The following MRPS6 variants were observed in gnomAD, a reference collection of about 807,000 sequenced individuals.
The protein encoded by MRPS6 is mitochondrial ribosomal protein S6, also known as small ribosomal subunit protein bS6m.
In MRPS6, 6 loss-of-function variants were observed where a neutral mutation model predicts 13.1. That is an observed-to-expected ratio of 0.46 (90% CI 0.25 to 0.91). MRPS6 has a LOEUF of 0.91. MRPS6 is among the 40% of genes least tolerant of loss of function. The probability of loss-of-function intolerance (pLI) is 0.18; values close to 1 mark genes in which losing one functional copy is unlikely to be tolerated. For missense variants in MRPS6, 164 were observed against 155.6 expected (o/e 1.05, Z -0.29); for synonymous variants, 61 against 56.5 (o/e 1.08, Z -0.36).
intron 1 of MRPS6, among the ~76,000 whole-genome samples, chr21:34,089,665 C>T (rs535709325): frequency 2.0e-5 from 3 of 152,250 alleles, no homozygotes; most frequent in Admixed American, 2.0e-4. Flanking sequence ...CCTCCCCACT[C>T]CTGTCCCGGG....
At chr21:34,106,741 T>C (rs1302331572) in intron 1 of MRPS6, among the ~76,000 whole-genome samples, 1 of 152,244 alleles carries the variant, frequency 6.6e-6, no homozygotes, top group African/African-American at 2.4e-5. Context: ...TCACTCATAG[T>C]TATCAAACTG....
At chr21:34,086,921 C>T (rs1007768542) in intron 1 of MRPS6, among the ~76,000 whole-genome samples, 2 of 152,168 alleles carry the variant, frequency 1.3e-5, no homozygotes, top group Non-Finnish European at 2.9e-5. Flanking sequence ...CTGACCTGCT[C>T]TTTCAGCTGT....
At chr21:34,101,208 TA>T in intron 1 of MRPS6, 1 of 1,000,090 alleles carries the variant, frequency 1.0e-6, no homozygotes, top group South Asian at 4.7e-5. Flanking sequence ...AATATTAGCT[TA>T]AAATCTGCAT....
intron 1 of MRPS6, chr21:34,104,396 T>G: frequency 1.0e-6 from 1 of 1,000,200 alleles, no homozygotes; most frequent in Non-Finnish European, 1.2e-6. Context: ...GTAGCTTGTT[T>G]ATCAAGAATG....
At position 34,142,761 on chromosome 21, in the gene MRPS6, A is replaced by ACCACC; in HGVS notation, c.*161_*162insCCACC. On this transcript the variant is annotated 3_prime_UTR_variant, in exon 3 of 3. Transcript: ENST00000399312. ...TAGCCCTTGATCCCCTTTGCTTGCG[A>ACCACC]GAGGTGGGGAACTGCTCACTGACAG... is the stretch of plus-strand genomic sequence containing the variant. The ACCACC allele has an allele frequency of 1.3e-6, 1 of 767,954 alleles. No homozygotes were observed. Among genetic ancestry groups the ACCACC allele is most frequent in the South Asian group, 2.7e-5 (1 of 37,300 alleles). 47.6% of individuals were successfully genotyped at this position (767,954 alleles called of 1,614,324 possible).
At chr21:34,083,727 G>A (rs1051554368) in intron 1 of MRPS6, among the ~76,000 whole-genome samples, 2 of 152,210 alleles carry the variant, frequency 1.3e-5, no homozygotes, top group Non-Finnish European at 2.9e-5. Context: ...GACTTTGGTA[G>A]CACTGTTGGT....
chr21:34,098,813 T>C, intron 1 of MRPS6: 1 of 999,860 alleles, frequency 1.0e-6, no homozygotes, highest in African/African-American at 1.7e-5. Flanking sequence ...TACTTCTGTG[T>C]CTTCGTATGC....
chr21:34,111,639 T>C (rs993102362), intron 1 of MRPS6, among the ~76,000 whole-genome samples: 1 of 152,236 alleles, frequency 6.6e-6, no homozygotes, highest in Non-Finnish European at 1.5e-5. Context: ...TTTTCATATG[T>C]GGCCTCCATG....
At chr21:34,098,830 C>G (rs1467881427) in intron 1 of MRPS6, 1 of 999,878 alleles carries the variant, frequency 1.0e-6, no homozygotes, top group Non-Finnish European at 1.2e-6. Context: ...ATGCTCAACA[C>G]TGTCCTTTGT....
chr21:34,091,346 C>G (rs150454871), intron 1 of MRPS6, among the ~76,000 whole-genome samples: 2 of 152,212 alleles, frequency 1.3e-5, no homozygotes, highest in African/African-American at 4.8e-5. Context: ...GTTTTAGTGG[C>G]AGGTGGTTTT....
At chr21:34,124,413 A>G (rs893785884) in intron 1 of MRPS6, 5 of 152,024 alleles carry the variant, frequency 3.3e-5, no homozygotes, top group African/African-American at 1.2e-4. Context: ...ATATGCATAG[A>G]GAGATATCTG....
At chr21:34,122,460 A>G (rs1273276041) in intron 1 of MRPS6, 1 of 152,186 alleles carries the variant, frequency 6.6e-6, no homozygotes, top group Non-Finnish European at 1.5e-5. Flanking sequence ...ACTGAAGTCA[A>G]ACAATTTTTT....
chr21:34,124,525 G>T (rs1980234069), intron 1 of MRPS6: 1 of 148,122 alleles, frequency 6.8e-6, no homozygotes, highest in Non-Finnish European at 1.5e-5. Flanking sequence ...TAAATAACAG[G>T]CCTTGATTAC....
chr21:34,128,178 T>A (rs1191745742), intron 2 of MRPS6, among the ~76,000 whole-genome samples: 1 of 152,152 alleles, frequency 6.6e-6, no homozygotes, highest in Non-Finnish European at 1.5e-5. Flanking sequence ...CTCAAGGAGT[T>A]TTCAGTCTAA....
Position 34,138,413 on chromosome 21 carries a change from C to T in MRPS6, c.186-3995C>T, listed in dbSNP as rs150363908. The stretch of plus-strand genomic sequence containing the variant: ...AGGTCTAACATTTAAGTCTTTAATC[C>T]ATCTTGAATTAATTTTTGAACTACT... On this transcript the variant is annotated intron_variant, in intron 2 of 2. Coordinates refer to ENST00000399312, the MANE Select transcript of MRPS6 (RefSeq NM_032476.4). Among the ~76,000 whole-genome samples the T allele has an allele frequency of 7.4e-3, 1,127 of 151,938 alleles. 13 individuals are homozygous for T. The highest frequency in any genetic ancestry group is 0.026 in the African/African-American group (1,081 of 41,414).
chr21:34,110,733 C>T (rs1180627525), intron 1 of MRPS6, among the ~76,000 whole-genome samples: 3 of 152,118 alleles, frequency 2.0e-5, no homozygotes, highest in East Asian at 3.9e-4. Context: ...TTTGTCAATA[C>T]GTGTTTGTCA....
intron 2 of MRPS6, among the ~76,000 whole-genome samples, chr21:34,132,699 C>G (rs977525686): frequency 6.6e-6 from 1 of 152,162 alleles, no homozygotes; most frequent in African/African-American, 2.4e-5. Flanking sequence ...ACTTTGTGAC[C>G]TGGGGCCTAT....
chr21:34,081,792 T>C (rs1032934376), intron 1 of MRPS6, among the ~76,000 whole-genome samples: 2 of 152,228 alleles, frequency 1.3e-5, no homozygotes, highest in Non-Finnish European at 2.9e-5. Flanking sequence ...CTTCATTGCC[T>C]AGTTTTTCAT....
At chr21:34,104,837 T>A in intron 1 of MRPS6, 1 of 1,000,116 alleles carries the variant, frequency 1.0e-6, no homozygotes, top group Non-Finnish European at 1.2e-6. Flanking sequence ...TACATGTTTT[T>A]AAATTTAAGA....
Sources: gnomAD v4.1 joint callset for allele counts (sites outside exome capture counted in the v4.1 genomes callset) on GRCh38, gnomAD v4.1.1 for gene constraint, MANE v1.5 for transcripts, NCBI Gene and HGNC (gene_info 2026-07-23, HGNC 2026-07-21) for gene names.